PARD3B: variants seen among roughly 807,000 people sequenced by gnomAD.
The protein encoded by PARD3B is partitioning defective 3 homolog B.
Under a neutral mutation model 130.2 loss-of-function variants are expected in PARD3B, and 103 were observed. The ratio of observed to expected loss-of-function variants is 0.79; its 90% CI spans 0.67 to 0.93. The LOEUF (loss-of-function observed/expected upper bound fraction) is 0.93. PARD3B is among the 40% of genes least tolerant of loss of function. The pLI, the probability that PARD3B is intolerant of heterozygous loss-of-function variation, is 0.00. For synonymous variants in PARD3B, 583 were observed against 553.2 expected (o/e 1.05, Z -0.76); for missense variants, 1,609 against 1,499.2 (o/e 1.07, Z -1.21).
At chr2:204,692,373 C>G (rs1013529208) in intron 2 of PARD3B, among the ~76,000 whole-genome samples, 1 of 151,948 alleles carries the variant, frequency 6.6e-6, no homozygotes, top group East Asian at 1.9e-4. Flanking sequence ...TCCCGCCTAC[C>G]TGTTTGCTGG....
intron 3 of PARD3B, among the ~76,000 whole-genome samples, chr2:205,036,369 A>AG (rs1697885797): frequency 1.5e-5 from 2 of 135,558 alleles, no homozygotes; most frequent in Non-Finnish European, 3.3e-5. Flanking sequence ...ATATATATAA[A>AG]ATATATATAG....
chr2:204,929,785 T>C (rs1269746721), intron 2 of PARD3B, among the ~76,000 whole-genome samples: 2 of 151,936 alleles, frequency 1.3e-5, no homozygotes, highest in Non-Finnish European at 2.9e-5. Context: ...AAAAGTGTTG[T>C]TTTAGAATTT....
chr2:204,653,560 G>A (rs930653662), intron 1 of PARD3B, among the ~76,000 whole-genome samples: 1 of 150,748 alleles, frequency 6.6e-6, no homozygotes, highest in South Asian at 2.1e-4. Context: ...GGAGGCCGAG[G>A]TGGGTGGATC....
chr2:204,953,449 A>AGAGG (rs1553566396), intron 2 of PARD3B, among the ~76,000 whole-genome samples: 2,538 of 150,040 alleles, frequency 0.017, 80 homozygotes, highest in African/African-American at 0.059. Context: ...AGAGAGAGAG[A>AGAGG]GAGAGAGAGA....
intron 18 of PARD3B, among the ~76,000 whole-genome samples, chr2:205,344,543 C>G (rs1308078372): frequency 1.3e-5 from 2 of 152,122 alleles, no homozygotes; most frequent in East Asian, 3.9e-4. Context: ...TCCACCTGTC[C>G]CAGGTAGTCC....
chr2:205,475,993 G>A (rs773474912), intron 20 of PARD3B, among the ~76,000 whole-genome samples: 3 of 152,148 alleles, frequency 2.0e-5, no homozygotes, highest in African/African-American at 7.2e-5. Context: ...ATTTTACACA[G>A]GAAAATAGAT....
Position 205,224,368 on chromosome 2 carries a change from C to T in PARD3B, c.2141-21410C>T, listed in dbSNP as rs1349648921. Among the ~76,000 whole-genome samples, 5 of 3,508 alleles carry T rather than the reference C, an allele frequency of 1.4e-3. No individual in the cohort carries two copies. The East Asian group carries it at 0.083, about 58-fold the overall frequency. The allele number at this position is 3,508 out of a possible 152,430, so 2.3% of individuals were successfully genotyped here. A position where few individuals can be genotyped will look rare whatever the true frequency, so the allele number is the denominator to read the frequency against. ...CCTGGGCCACAGAGCGAGACTCCGT[C>T]TCAAAAAAAAAAAAAAAAAAGAAAG... On this transcript the variant is annotated intron_variant, in intron 15 of 22. Coordinates refer to ENST00000406610, the MANE Select transcript of PARD3B (RefSeq NM_001302769.2).
intron 18 of PARD3B, among the ~76,000 whole-genome samples, chr2:205,354,224 A>G (rs867586733): frequency 1.6e-4 from 24 of 150,914 alleles, no homozygotes; most frequent in Non-Finnish European, 3.2e-4. Flanking sequence ...AAATCTTTTA[A>G]AAGTTCCCCT....
chr2:204,572,500 A>T (rs2032055369), intron 1 of PARD3B, among the ~76,000 whole-genome samples: 1 of 152,210 alleles, frequency 6.6e-6, no homozygotes, highest in African/African-American at 2.4e-5. Context: ...ATTGCTGTTC[A>T]TGATGATAAA....
chr2:204,643,115 C>CAAAAAAAAAAAAAAAA (rs71029202), intron 1 of PARD3B, among the ~76,000 whole-genome samples: 890 of 31,776 alleles, frequency 0.028, 184 homozygotes, highest in African/African-American at 0.054. Flanking sequence ...CTCTGTCTCA[C>CAAAAAAAAAAAAAAAA]AAAAAAAAAA....
chr2:205,008,000 T>C (rs941694986), intron 3 of PARD3B, among the ~76,000 whole-genome samples: 1 of 152,230 alleles, frequency 6.6e-6, no homozygotes, highest in Non-Finnish European at 1.5e-5. Flanking sequence ...TTGGTTGTTG[T>C]TGGTGTATAG....
chr2:204,566,259 G>T (rs1176422783), intron 1 of PARD3B, among the ~76,000 whole-genome samples: 1 of 152,188 alleles, frequency 6.6e-6, no homozygotes, highest in African/African-American at 2.4e-5. Context: ...CCATTTGTAA[G>T]GCAAAGGTAC....
intron 2 of PARD3B, among the ~76,000 whole-genome samples, chr2:204,961,355 T>A (rs1690729001): frequency 6.6e-6 from 1 of 151,962 alleles, no homozygotes; most frequent in South Asian, 2.1e-4. Context: ...AAATAGAGTG[T>A]ATGGGAGACA....
intron 3 of PARD3B, among the ~76,000 whole-genome samples, chr2:205,009,642 G>A (rs1695551891): frequency 6.9e-6 from 1 of 145,598 alleles, no homozygotes; most frequent in African/African-American, 2.6e-5. Flanking sequence ...CTGCACTCCA[G>A]CCTGGGCCAC....
At chr2:204,632,376 C>G (rs1170236041) in intron 1 of PARD3B, among the ~76,000 whole-genome samples, 1 of 152,200 alleles carries the variant, frequency 6.6e-6, no homozygotes, top group Non-Finnish European at 1.5e-5. Flanking sequence ...CAGGGGCACT[C>G]TGGCTTTTTG....
chr2:204,883,844 T>A (rs2046171576), intron 2 of PARD3B, among the ~76,000 whole-genome samples: 1 of 151,792 alleles, frequency 6.6e-6, no homozygotes, highest in Admixed American at 6.6e-5. Context: ...GTTCAAGCAA[T>A]TCTCTGCCTC....
intron 1 of PARD3B, among the ~76,000 whole-genome samples, chr2:204,585,183 C>A (rs1266492453): frequency 1.3e-5 from 2 of 152,170 alleles, no homozygotes; most frequent in Non-Finnish European, 2.9e-5. Flanking sequence ...TTCCTATTGG[C>A]CCAGACCAGT....
chr2:205,490,329 G>A (rs1379409194), intron 20 of PARD3B, among the ~76,000 whole-genome samples: 3 of 148,764 alleles, frequency 2.0e-5, no homozygotes, highest in African/African-American at 7.5e-5. Flanking sequence ...TGTTCTCATT[G>A]TTCAATTCCC....
At chr2:205,054,472 T>G (rs1699506612) in intron 4 of PARD3B, among the ~76,000 whole-genome samples, 1 of 131,404 alleles carries the variant, frequency 7.6e-6, no homozygotes, top group Non-Finnish European at 1.6e-5. Context: ...ATACTCTAAG[T>G]TTTAGGGTAT....
Sources: gnomAD v4.1 joint callset for allele counts (sites outside exome capture counted in the v4.1 genomes callset) on GRCh38, gnomAD v4.1.1 for gene constraint, MANE v1.5 for transcripts, NCBI Gene and HGNC (gene_info 2026-07-23, HGNC 2026-07-21) for gene names.